The following ADAM28 variants were observed in gnomAD, a reference collection of about 807,000 sequenced individuals.
ADAM28 encodes the protein ADAM metallopeptidase domain 28.
A neutral mutation model predicts 101.2 loss-of-function variants in ADAM28; 105 were observed. The observed-to-expected ratio is 1.04, with a 90% confidence interval of 0.89 to 1.22. The LOEUF is 1.22. ADAM28 is among the 50% of genes most tolerant of loss of function. ADAM28 has a pLI of 0.00. For synonymous variants in ADAM28, 322 were observed against 310.6 expected, an observed-to-expected ratio of 1.04 and a Z score of -0.39; for missense variants, 1,028 against 945.4, an observed-to-expected ratio of 1.09 and a Z score of -1.15.
chr8:24,320,384 T>A, intron 7 of ADAM28, 77 bp downstream of exon 7: 2 of 958,892 alleles, frequency 2.1e-6, no homozygotes, highest in Non-Finnish European at 3.2e-6. Flanking sequence ...AGACATTAAA[T>A]ATCTGGATGA....
At chr8:24,353,656 T>C (rs558723940) in intron 21 of ADAM28, 114 bp from the exon 22 acceptor site, 2 of 767,802 alleles carry the variant, frequency 2.6e-6, no homozygotes, top group East Asian at 5.3e-5. Context: ...TTGGGTAGAA[T>C]TTAAATGAGT....
At chr8:24,298,269 C>T (rs1302829621) in intron 1 of ADAM28, among the ~76,000 whole-genome samples, 1 of 152,030 alleles carries the variant, frequency 6.6e-6, no homozygotes, top group Non-Finnish European at 1.5e-5. Flanking sequence ...ACTCTTACAC[C>T]ACTGAAAGAA....
chr8:24,317,888 G>A (rs898349460), intron 6 of ADAM28, among the ~76,000 whole-genome samples: 1 of 152,020 alleles, frequency 6.6e-6, no homozygotes. Context: ...GCAGTTGAAA[G>A]ATCTAGGGTA....
Position 24,353,785 on chromosome 8 carries a change from G to C in ADAM28, c.2260G>C (p.Ala754Pro), listed in dbSNP as rs549973313. The C allele has an allele frequency of 6.6e-7, 1 of 1,517,716 alleles. No homozygotes were observed. The highest frequency in any genetic ancestry group is 2.3e-5 in the East Asian group (1 of 44,192). The allele number at this position is 1,517,716 out of a possible 1,614,324, so 94.0% of individuals were successfully genotyped here. The change falls in exon 22 of 23, where the codon GCA (alanine) becomes CCA (proline). Residue 754 changes from alanine (A) to proline (P), a missense_variant. Coordinates refer to ENST00000265769, the MANE Select transcript of ADAM28 (RefSeq NM_014265.6). ...PPASFHKDTN[A>P]LPPTVFKDNP... is the part of the protein sequence containing the mutation. ...ATTAACGTAGCATAAAGACACAAACGCACTTCCCCCTACTGTTTTCAAGGA... is the reference window on the plus strand; with the variant it reads ...ATTAACGTAGCATAAAGACACAAACCCACTTCCCCCTACTGTTTTCAAGGA...
intron 2 of ADAM28, among the ~76,000 whole-genome samples, chr8:24,301,282 C>T (rs1175845967): frequency 6.6e-6 from 1 of 152,134 alleles, no homozygotes; most frequent in Admixed American, 6.5e-5. Flanking sequence ...AACCCAAAAG[C>T]ATAGGATTCC....
At position 24,356,213 on chromosome 8, in the gene ADAM28, T is replaced by C. The variant is rs1321851983; in HGVS notation, c.*1809T>C. The C allele has an allele frequency of 6.6e-6, 1 of 152,166 alleles. No individual in the cohort carries two copies. The highest frequency in any genetic ancestry group is 1.5e-5 in the Non-Finnish European group (1 of 68,030). 9.4% of individuals were successfully genotyped at this position (152,166 alleles called of 1,614,324 possible). ...AGAAGACCCTCCCCTGACCCAGAAA[T>C]AAATCCCTATTTCCTGGAAAGCCAT... On this transcript the variant is annotated 3_prime_UTR_variant, in exon 23 of 23. Coordinates refer to ENST00000265769, the MANE Select transcript of ADAM28 (RefSeq NM_014265.6).
intron 1 of ADAM28, among the ~76,000 whole-genome samples, chr8:24,298,191 TA>T (rs1262247024): frequency 9.2e-5 from 14 of 151,904 alleles, no homozygotes; most frequent in Non-Finnish European, 4.4e-5. Flanking sequence ...TCAAACCAAA[TA>T]AAAAAAATAA....
chr8:24,327,007 A>C (rs1812706295), intron 10 of ADAM28, among the ~76,000 whole-genome samples: 1 of 152,068 alleles, frequency 6.6e-6, no homozygotes, highest in Admixed American at 6.6e-5. Flanking sequence ...GCCCTTTCTC[A>C]CCACTCCTAT....
At position 24,332,672 on chromosome 8, in the gene ADAM28, A is replaced by G; in HGVS notation, c.1294A>G (p.Ile432Val). Residue 432 changes from isoleucine (I) to valine (V), a missense_variant, in exon 13 of 23, where the codon ATT becomes GTT. Ile to Val is a conservative substitution (Grantham distance 29). Transcript: ENST00000265769. The part of the protein sequence containing the change: ...DCGTSEECTN[I>V]CCDAKTCKIK... ...TCATATTTCTTAGGAATGTACCAAT[A>G]TTTGCTGTGATGCTAAGACATGTAA... 6.6e-7 allele frequency: 1 copy of G among 1,512,300 alleles called. No homozygotes were observed. The highest frequency in any genetic ancestry group is 1.4e-5 in the African/African-American group (1 of 72,728). 93.7% of individuals were successfully genotyped at this position (1,512,300 alleles called of 1,614,324 possible).
chr8:24,341,760 A>T lies in ADAM28; in HGVS notation c.1830+3A>T. 6.2e-7 allele frequency: 1 copy of T among 1,613,474 alleles called. No homozygotes were observed. Among genetic ancestry groups the T allele is most frequent in the Non-Finnish European group, 8.5e-7 (1 of 1,179,640 alleles). ...GAACTAAGTGTGGCGATAACAAGGT[A>T]AGTTGAAATTGTGGCTTTCACTCAA... On this transcript the variant is annotated splice_donor_region_variant and intron_variant, in intron 16 of 22. Transcript: ENST00000265769.
At chr8:24,296,373 T>C (rs1807967876) in intron 1 of ADAM28, 1 of 152,210 alleles carries the variant, frequency 6.6e-6, no homozygotes, top group African/African-American at 2.4e-5. Context: ...CAAGATGGTT[T>C]GAGGAGATGC....
chr8:24,349,742 G>A, intron 18 of ADAM28, 122 bp from the exon 19 acceptor site: 2 of 660,824 alleles, frequency 3.0e-6, no homozygotes, highest in East Asian at 2.6e-5. Flanking sequence ...CTGGCTATGG[G>A]AATTTATGTT....
At chr8:24,302,250 T>C (rs1321303094) in intron 2 of ADAM28, among the ~76,000 whole-genome samples, 1 of 152,196 alleles carries the variant, frequency 6.6e-6, no homozygotes, top group African/African-American at 2.4e-5. Context: ...TCCATCCATG[T>C]GCCTGCAAAG....
Position 24,341,593 on chromosome 8 carries a change from C to A in ADAM28, c.1671-5C>A, listed in dbSNP as rs746145215. ...TCCTGCAATACATTTTGGCTTTTTCCTCAGTGATACCATGTGTGGGAAGTT... is the reference window on the plus strand; with the variant it reads ...TCCTGCAATACATTTTGGCTTTTTCATCAGTGATACCATGTGTGGGAAGTT... On this transcript the variant is annotated splice_region_variant and splice_polypyrimidine_tract_variant and intron_variant, in intron 15 of 22. Coordinates refer to ENST00000265769, the MANE Select transcript of ADAM28 (RefSeq NM_014265.6). The A allele has an allele frequency of 1.5e-5, 24 of 1,607,792 alleles. 1 individual carries two copies. In the South Asian group the frequency reaches 2.4e-4, roughly 16 times the overall value.
chr8:24,317,606 T>C (rs1404712490), intron 6 of ADAM28, among the ~76,000 whole-genome samples: 1 of 152,074 alleles, frequency 6.6e-6, no homozygotes, highest in East Asian at 1.9e-4. Context: ...GGGGAAAAGC[T>C]GTTTGACATT....
intron 1 of ADAM28, among the ~76,000 whole-genome samples, chr8:24,297,227 G>A (rs190663823): frequency 4.4e-4 from 66 of 151,292 alleles, no homozygotes; most frequent in African/African-American, 1.4e-3. Flanking sequence ...GGAAGTGTTC[G>A]GCCACCAAAA....
intron 10 of ADAM28, among the ~76,000 whole-genome samples, chr8:24,329,490 C>T (rs552224105): frequency 6.6e-6 from 1 of 152,210 alleles, no homozygotes; most frequent in East Asian, 1.9e-4. Flanking sequence ...ATCAAGTTGG[C>T]TATAGGCTGG....
At position 24,314,046 on chromosome 8, in the gene ADAM28, C is replaced by T. The variant is rs192504848; in HGVS notation, c.576+466C>T. On this transcript the variant is annotated intron_variant, in intron 6 of 22. Transcript: ENST00000265769. The stretch of plus-strand genomic sequence containing the variant: ...TGCTGAGATTACAGGCATGAGCCAC[C>T]GCACTTAGCCGGAATCAACTATTAT... Among the ~76,000 whole-genome samples the T allele has an allele frequency of 2.2e-3, 339 of 152,126 alleles. 1 individual carries two copies. Among genetic ancestry groups the T allele is most frequent in the African/African-American group, 7.1e-3 (296 of 41,514 alleles).
chr8:24,357,243 A>G lies in ADAM28; in HGVS notation c.*2839A>G, dbSNP rs951343654. The G allele has an allele frequency of 4.6e-5, 7 of 152,310 alleles. No individual in the cohort carries two copies. Among genetic ancestry groups the G allele is most frequent in the Middle Eastern group, 6.8e-3 (2 of 294 alleles). The allele number at this position is 152,310 out of a possible 1,614,324, so 9.4% of individuals were successfully genotyped here. A position where few individuals can be genotyped will look rare whatever the true frequency, so the allele number is the denominator to read the frequency against. ...ACCCACAGAAACTGTATGATAATTA[A>G]TATGTGTTGTTTAAAGTTGTTATGG... is the stretch of plus-strand genomic sequence containing the variant. On this transcript the variant is annotated 3_prime_UTR_variant, in exon 23 of 23. Transcript: ENST00000265769.
Sources: allele counts gnomAD v4.1 joint callset (sites outside exome capture counted in the v4.1 genomes callset), GRCh38; gene constraint gnomAD v4.1.1; transcripts MANE v1.5; gene names NCBI Gene and HGNC (gene_info 2026-07-23, HGNC 2026-07-21).